GAB1: variants seen among roughly 807,000 people sequenced by gnomAD.
GAB1 encodes the protein GRB2 associated binding protein 1.
A neutral mutation model predicts 66.5 loss-of-function variants in GAB1; 19 were observed. The observed-to-expected ratio is 0.29, with a 90% confidence interval of 0.20 to 0.42. The LOEUF is 0.42. Among genes scored for constraint, GAB1 ranks in the 10% least tolerant of loss-of-function variants. GAB1 has a pLI of 1.00. For synonymous variants in GAB1, 294 were observed against 301.4 expected (o/e 0.98, Z 0.25); for missense variants, 732 against 858.5 (o/e 0.85, Z 1.84).
chr4:143,442,670 G>A (rs1268995686), intron 6 of GAB1, among the ~76,000 whole-genome samples: 1 of 151,930 alleles, frequency 6.6e-6, no homozygotes, highest in Non-Finnish European at 1.5e-5. Context: ...ACATCCCTAT[G>A]TATTTAGTGA....
At chr4:143,370,444 C>A (rs1730071319) in intron 1 of GAB1, among the ~76,000 whole-genome samples, 1 of 152,168 alleles carries the variant, frequency 6.6e-6, no homozygotes, top group African/African-American at 2.4e-5. Context: ...ACTCTTCAGG[C>A]TCAAAGAGTA....
intron 6 of GAB1, among the ~76,000 whole-genome samples, chr4:143,455,328 T>A (rs530837594): frequency 8.5e-5 from 13 of 152,176 alleles, no homozygotes; most frequent in Non-Finnish European, 1.3e-4. Context: ...TAATTGGAGA[T>A]AACCTGTCAG....
At position 143,397,615 on chromosome 4, in the gene GAB1, A is replaced by G; in HGVS notation, c.73-17862A>G. Among the ~76,000 whole-genome samples, 3 of 152,354 alleles carry G rather than the reference A, an allele frequency of 2.0e-5. 1 individual carries two copies. The Middle Eastern group carries it at 0.01, about 518-fold the overall frequency. ...ACTTAGTGGTGATGTCATTACCTAA[A>G]TATAGTAAATTTTAAGAAAACAAAT... is the stretch of plus-strand genomic sequence containing the variant. On this transcript the variant is annotated intron_variant, in intron 1 of 9. Transcript: ENST00000262994.
chr4:143,429,502 C>T (rs186883329), intron 2 of GAB1, among the ~76,000 whole-genome samples: 14 of 152,068 alleles, frequency 9.2e-5, no homozygotes, highest in Non-Finnish European at 2.1e-4. Context: ...GAGTTTGTAC[C>T]CTCAAATACT....
chr4:143,370,043 T>C (rs1464684063), intron 1 of GAB1, among the ~76,000 whole-genome samples: 2 of 152,236 alleles, frequency 1.3e-5, no homozygotes, highest in Non-Finnish European at 2.9e-5. Context: ...GCATAAGCAC[T>C]CACTTAGGTG....
intron 3 of GAB1, among the ~76,000 whole-genome samples, chr4:143,434,696 C>A (rs1454847991): frequency 6.6e-6 from 1 of 152,096 alleles, no homozygotes; most frequent in Non-Finnish European, 1.5e-5. Flanking sequence ...TGGAGTGCAG[C>A]ACTTGACTGA....
At chr4:143,378,736 T>C (rs1730529066) in intron 1 of GAB1, among the ~76,000 whole-genome samples, 1 of 151,206 alleles carries the variant, frequency 6.6e-6, no homozygotes, top group East Asian at 2.0e-4. Context: ...TGAACCACCG[T>C]CTCAAGTTTC....
At position 143,470,285 on chromosome 4, in the gene GAB1, T is replaced by G. The variant is rs1736012661; in HGVS notation, c.*1096T>G. ...TATTTAATTCCCTATGCAATTAATATTTTATATCTGCATTTTTTTAAAAAA... is the reference window on the plus strand; with the variant it reads ...TATTTAATTCCCTATGCAATTAATAGTTTATATCTGCATTTTTTTAAAAAA... On this transcript the variant is annotated 3_prime_UTR_variant, in exon 10 of 10. Transcript: ENST00000262994. 1.3e-5 allele frequency: 2 copies of G among 152,224 alleles called. No homozygotes were observed. Among genetic ancestry groups the G allele is most frequent in the African/African-American group, 4.8e-5 (2 of 41,450 alleles). The allele number at this position is 152,224 out of a possible 1,614,324, so 9.4% of individuals were successfully genotyped here.
At chr4:143,349,776 G>C (rs911128928) in intron 1 of GAB1, 1 of 1,590,544 alleles carries the variant, frequency 6.3e-7, no homozygotes, top group African/African-American at 1.3e-5. Context: ...CGATAGCAAC[G>C]AATGCCTTGA....
intron 1 of GAB1, among the ~76,000 whole-genome samples, chr4:143,370,331 G>A (rs1424772378): frequency 6.6e-6 from 1 of 152,162 alleles, no homozygotes; most frequent in Non-Finnish European, 1.5e-5. Context: ...ACAGCCAGCA[G>A]TTCTGTTCCC....
chr4:143,367,341 T>G (rs57336725), intron 1 of GAB1, among the ~76,000 whole-genome samples: 3,160 of 152,298 alleles, frequency 0.021, 104 homozygotes, highest in African/African-American at 0.072. Flanking sequence ...GTGGGACTGG[T>G]GGCATTTTCA....
At position 143,337,209 on chromosome 4, in the gene GAB1, C is replaced by T. The variant is rs753027403; in HGVS notation, c.21C>T (p.Val7=). 1.5e-5 allele frequency: 23 copies of T among 1,584,632 alleles called. No individual in the cohort carries two copies. Among genetic ancestry groups the T allele is most frequent in the Non-Finnish European group, 2.0e-5 (23 of 1,165,394 alleles). The change falls in exon 1 of 10, where the codon GTC becomes GTT. Residue 7 remains valine, a synonymous_variant. Transcript: ENST00000262994. ...GCACCATGAGCGGTGGTGAAGTGGT[C>T]TGCTCCGGATGGCTCCGCAAGTCCC... MSGGEV[V]CSGWLRKSPP... is the part of the protein sequence containing the mutation.
chr4:143,450,523 T>C (rs1578737500), intron 6 of GAB1, among the ~76,000 whole-genome samples: 1 of 152,228 alleles, frequency 6.6e-6, no homozygotes, highest in East Asian at 1.9e-4. Context: ...CTCACATGAC[T>C]GCCTTGACTG....
chr4:143,351,025 C>T (rs1177341641), intron 1 of GAB1, among the ~76,000 whole-genome samples: 3 of 152,156 alleles, frequency 2.0e-5, no homozygotes, highest in Non-Finnish European at 4.4e-5. Context: ...TACAGACCGG[C>T]AGGCCGAGGG....
At chr4:143,437,883 C>CA (rs2149754063) in intron 3 of GAB1, 116 bp from the exon 4 acceptor site, 3 of 1,038,984 alleles carry the variant, frequency 2.9e-6, no homozygotes, top group Non-Finnish European at 4.2e-6. Flanking sequence ...ATGGATCACA[C>CA]AAAAAATCTA....
intron 1 of GAB1, among the ~76,000 whole-genome samples, chr4:143,385,671 T>A (rs1730863716): frequency 6.6e-6 from 1 of 152,152 alleles, no homozygotes; most frequent in South Asian, 2.1e-4. Flanking sequence ...TTCATTTACA[T>A]CCTATTGGCC....
intron 1 of GAB1, among the ~76,000 whole-genome samples, chr4:143,361,629 C>G (rs1012939737): frequency 7.2e-5 from 11 of 152,168 alleles, no homozygotes; most frequent in Admixed American, 2.6e-4. Flanking sequence ...GAATATATTG[C>G]CACTGCCTCC....
chr4:143,395,535 G>A (rs1458610394), intron 1 of GAB1: 1 of 196,648 alleles, frequency 5.1e-6, no homozygotes, highest in Non-Finnish European at 1.1e-5. Flanking sequence ...CAAAATCCAT[G>A]TTTTCGTGGA....
chr4:143,401,673 A>C (rs562504323), intron 1 of GAB1, among the ~76,000 whole-genome samples: 1 of 152,326 alleles, frequency 6.6e-6, no homozygotes, highest in South Asian at 2.1e-4. Context: ...AAATTAAGGA[A>C]TTAAAAATTT....
Sources: gnomAD v4.1 joint callset for allele counts (sites outside exome capture counted in the v4.1 genomes callset) on GRCh38, gnomAD v4.1.1 for gene constraint, MANE v1.5 for transcripts, NCBI Gene and HGNC (gene_info 2026-07-23, HGNC 2026-07-21) for gene names.